Variants in DCAF5 observed in about 807,000 individuals in gnomAD.
DCAF5 encodes the protein DDB1 and CUL4 associated factor 5.
DCAF5 carries 9 observed loss-of-function variants against 80.7 expected under a neutral mutation model. The observed-to-expected ratio is 0.11, with a 90% CI of 0.07 to 0.19. The LOEUF (loss-of-function observed/expected upper bound fraction) is 0.19. Among genes scored for constraint, DCAF5 ranks in the 10% least tolerant of loss-of-function variants. The pLI is 1.00. For missense variants in DCAF5, 842 were observed against 1,205.7 expected (o/e 0.70, Z 4.47); for synonymous variants, 433 against 461.9 (o/e 0.94, Z 0.80).
intron 1 of DCAF5, among the ~76,000 whole-genome samples, chr14:69,145,158 A>C (rs1378741839): frequency 6.6e-6 from 1 of 151,812 alleles, no homozygotes; most frequent in Non-Finnish European, 1.5e-5. Context: ...GCTGGGACTA[A>C]AGGTGCACGC....
intron 8 of DCAF5, among the ~76,000 whole-genome samples, chr14:69,057,831 C>T (rs2038035027): frequency 6.6e-6 from 1 of 152,102 alleles, no homozygotes; most frequent in African/African-American, 2.4e-5. Context: ...AAAACAAAAC[C>T]TTCACTCCAG....
Position 69,075,421 on chromosome 14 carries a change from C to T in DCAF5, c.880-10G>A. ...AGCCCGAAAGGATATACTGTTGGAA[C>T]AAAAAATATATAGATAACATTATAT... On this transcript the variant is annotated splice_polypyrimidine_tract_variant and intron_variant, in intron 6 of 8. Coordinates refer to ENST00000341516, the MANE Select transcript of DCAF5 (RefSeq NM_003861.3). 6.4e-7 allele frequency: 1 copy of T among 1,551,230 alleles called. No homozygotes were observed. Among genetic ancestry groups the T allele is most frequent in the Non-Finnish European group, 8.8e-7 (1 of 1,136,344 alleles).
chr14:69,145,513 T>TA lies in DCAF5; in HGVS notation c.214+7251dup, dbSNP rs1026177331. On this transcript the variant is annotated intron_variant, in intron 1 of 8. Coordinates refer to ENST00000341516, the MANE Select transcript of DCAF5 (RefSeq NM_003861.3). ...GTAACCTAATTTTTATAACTGAAAA[T>TA]AAAAAAAAAAATTTTAATTTCCCAT... 1.4e-3 allele frequency among the ~76,000 whole-genome samples: 214 copies of TA among 149,140 alleles called. 1 individual carries two copies. The highest frequency in any genetic ancestry group is 5.0e-3 in the African/African-American group (205 of 40,602).
chr14:69,054,122 T>A lies in DCAF5; in HGVS notation c.2564A>T (p.Glu855Val). 6.2e-7 allele frequency: 1 copy of A among 1,614,212 alleles called. No individual in the cohort carries two copies. Among genetic ancestry groups the A allele is most frequent in the Non-Finnish European group, 8.5e-7 (1 of 1,180,028 alleles). The part of the protein sequence containing the change: ...HNNGQNLGEL[E>V]VVAYSSPGHS... ...TCCTGGGGAAGAGTAGGCCACCACC[T>A]CCAGCTCCCCCAAGTTCTGCCCGTT... The change falls in exon 9 of 9, where the codon GAG becomes GTG. Residue 855 changes from glutamate (E) to valine (V), a missense_variant. Transcript: ENST00000341516.
chr14:69,137,564 C>T (rs1219876142), intron 1 of DCAF5, among the ~76,000 whole-genome samples: 2 of 152,074 alleles, frequency 1.3e-5, no homozygotes, highest in African/African-American at 4.8e-5. Context: ...TCTAAAAAGA[C>T]TGAATCAGTG....
intron 1 of DCAF5, among the ~76,000 whole-genome samples, chr14:69,133,055 AAAC>A (rs768660424): frequency 2.0e-5 from 3 of 152,252 alleles, no homozygotes; most frequent in Non-Finnish European, 2.9e-5. Context: ...ATTTGAACTC[AAAC>A]AACAGCTAAC....
chr14:69,149,318 T>C (rs1042311985), intron 1 of DCAF5: 9 of 152,258 alleles, frequency 5.9e-5, no homozygotes, highest in Non-Finnish European at 1.0e-4. Context: ...GCGATGCCCC[T>C]TTCTGGTCAT....
At chr14:69,096,964 G>C (rs2139987779) in intron 5 of DCAF5, among the ~76,000 whole-genome samples, 1 of 151,946 alleles carries the variant, frequency 6.6e-6, no homozygotes. Flanking sequence ...TGAGATGGCA[G>C]TTGCTACAGC....
chr14:69,071,125 T>A (rs1247392722), intron 7 of DCAF5, among the ~76,000 whole-genome samples: 1 of 152,188 alleles, frequency 6.6e-6, no homozygotes, highest in Non-Finnish European at 1.5e-5. Context: ...AAGGGATTTT[T>A]AGAATGAGTT....
chr14:69,090,896 A>G, intron 6 of DCAF5: 1 of 553,182 alleles, frequency 1.8e-6, no homozygotes. Flanking sequence ...CTTGAGAATA[A>G]AAAATTCTAT....
At chr14:69,070,470 A>T (rs1366040499) in intron 7 of DCAF5, among the ~76,000 whole-genome samples, 1 of 152,238 alleles carries the variant, frequency 6.6e-6, no homozygotes, top group Non-Finnish European at 1.5e-5. Context: ...GAGGTAGGAG[A>T]CATTTTATGT....
chr14:69,140,714 T>C (rs1043264291), intron 1 of DCAF5, among the ~76,000 whole-genome samples: 1 of 152,164 alleles, frequency 6.6e-6, no homozygotes, highest in Non-Finnish European at 1.5e-5. Context: ...AACATTAGCC[T>C]CTGGACCTGG....
At chr14:69,130,302 G>A (rs2041002272) in intron 1 of DCAF5, among the ~76,000 whole-genome samples, 2 of 152,100 alleles carry the variant, frequency 1.3e-5, no homozygotes, top group South Asian at 4.1e-4. Context: ...ACAGAAGTCT[G>A]GTTAAAATTA....
intron 2 of DCAF5, among the ~76,000 whole-genome samples, chr14:69,119,772 A>C (rs547104819): frequency 7.9e-5 from 12 of 152,066 alleles, no homozygotes; most frequent in African/African-American, 2.9e-4. Context: ...AAAACACTAA[A>C]TGATCATTGA....
At chr14:69,095,798 T>A (rs1184758232) in intron 5 of DCAF5, among the ~76,000 whole-genome samples, 3 of 152,186 alleles carry the variant, frequency 2.0e-5, no homozygotes, top group African/African-American at 7.2e-5. Flanking sequence ...ATCCATCTGA[T>A]ACACCTGGTG....
chr14:69,083,861 G>C, intron 6 of DCAF5: 1 of 753,464 alleles, frequency 1.3e-6, no homozygotes, highest in Non-Finnish European at 2.5e-6. Context: ...GAAGATGACA[G>C]TGAGATGCCC....
intron 8 of DCAF5, among the ~76,000 whole-genome samples, chr14:69,057,288 A>T (rs566818693): frequency 1.6e-4 from 24 of 152,276 alleles, no homozygotes; most frequent in South Asian, 1.0e-3. Context: ...GTCTAAGGGA[A>T]TAAAAGAGCT....
At chr14:69,093,397 G>A (rs952498206) in intron 5 of DCAF5, among the ~76,000 whole-genome samples, 1 of 152,158 alleles carries the variant, frequency 6.6e-6, no homozygotes, top group Non-Finnish European at 1.5e-5. Flanking sequence ...GCCTCAAGAT[G>A]CCTAAATTAG....
chr14:69,116,296 C>A, intron 5 of DCAF5, 70 bp downstream of exon 5: 1 of 1,552,010 alleles, frequency 6.4e-7, no homozygotes, highest in Non-Finnish European at 8.8e-7. Context: ...ACAACACTTA[C>A]TGGCTGGTCA....
Sources: gnomAD v4.1 joint callset for allele counts (sites outside exome capture counted in the v4.1 genomes callset) on GRCh38, gnomAD v4.1.1 for gene constraint, MANE v1.5 for transcripts, NCBI Gene and HGNC (gene_info 2026-07-23, HGNC 2026-07-21) for gene names.